PRELID2: variants seen among roughly 807,000 people sequenced by gnomAD.
PRELID2 encodes PRELI domain-containing protein 2.
In PRELID2, 25 loss-of-function variants were observed where a neutral mutation model predicts 28.4. The observed-to-expected ratio is 0.88, with a 90% confidence interval of 0.64 to 1.23. PRELID2 has a LOEUF of 1.23. Ranked by LOEUF, PRELID2 falls within the 50% of genes most tolerant of loss-of-function variation. The pLI, the probability that PRELID2 is intolerant of heterozygous loss-of-function variation, is 0.00. For synonymous variants in PRELID2, 76 were observed against 71.6 expected (o/e 1.06, Z -0.31); for missense variants, 201 against 214.4 (o/e 0.94, Z 0.39).
intron 5 of PRELID2, among the ~76,000 whole-genome samples, chr5:145,781,649 C>CACT (rs1444031864): frequency 7.4e-6 from 1 of 135,300 alleles, no homozygotes; most frequent in African/African-American, 3.0e-5. Context: ...TATATATATA[C>CACT]TATATATACA....
the PRELID2 span, among the ~76,000 whole-genome samples, chr5:145,336,814 G>T: frequency 4.0e-5 from 6 of 151,822 alleles, no homozygotes; most frequent in African/African-American, 1.2e-4. Flanking sequence ...CCTTTGTAGG[G>T]ACATGGATGA....
intron 1 of PRELID2, among the ~76,000 whole-genome samples, chr5:145,614,381 T>C (rs1436067256): frequency 2.0e-5 from 3 of 152,232 alleles, no homozygotes; most frequent in Admixed American, 2.0e-4. Context: ...TTGATGGGGA[T>C]TGCACTGAAT....
intron 1 of PRELID2, among the ~76,000 whole-genome samples, chr5:145,832,254 C>T (rs1020634523): frequency 2.0e-5 from 3 of 152,122 alleles, no homozygotes; most frequent in Non-Finnish European, 2.9e-5. Context: ...GGCATGATCT[C>T]AGCTCACTGC....
the PRELID2 span, among the ~76,000 whole-genome samples, chr5:145,234,947 G>T: frequency 6.6e-6 from 1 of 151,982 alleles, no homozygotes; most frequent in African/African-American, 2.4e-5. Flanking sequence ...ATTGAGACTG[G>T]TCCTCTTCGT....
At chr5:145,258,505 C>A in the PRELID2 span, among the ~76,000 whole-genome samples, 1 of 152,132 alleles carries the variant, frequency 6.6e-6, no homozygotes, top group Admixed American at 6.6e-5. Flanking sequence ...CCTTAGCAAA[C>A]AACTTGGCTG....
the PRELID2 span, among the ~76,000 whole-genome samples, chr5:145,303,633 G>T: frequency 2.6e-5 from 4 of 152,124 alleles, no homozygotes; most frequent in African/African-American, 4.8e-5. Context: ...GCACTGTGTG[G>T]TCTGGTATGT....
the PRELID2 span, among the ~76,000 whole-genome samples, chr5:145,253,075 C>T: frequency 2.2e-4 from 33 of 152,202 alleles, no homozygotes; most frequent in Non-Finnish European, 4.6e-4. Flanking sequence ...TTGTGTTGCA[C>T]TAAATTTCTT....
chr5:145,391,102 G>A, the PRELID2 span, among the ~76,000 whole-genome samples: 150 of 152,310 alleles, frequency 9.8e-4, no homozygotes, highest in African/African-American at 2.2e-3. Context: ...TTGAGTGTCT[G>A]TGGCTTTTCT....
rs527679564 is a variant in PRELID2, at chr5:145,653,618, T to A, written n.70+111313A>T. Among the ~76,000 whole-genome samples the A allele has an allele frequency of 2.6e-5, 4 of 152,230 alleles. No homozygotes were observed. In the East Asian group the frequency reaches 7.7e-4, roughly 29 times the overall value. ...ACTCACTCAAAACCACTCAACTACGTGAAAACTGAACAATCTGCTCCTGAA... is the reference window on the plus strand; with the variant it reads ...ACTCACTCAAAACCACTCAACTACGAGAAAACTGAACAATCTGCTCCTGAA... On this transcript the variant is annotated intron_variant and non_coding_transcript_variant, in intron 1 of 2. Transcript: ENST00000510259.
intron 1 of PRELID2, among the ~76,000 whole-genome samples, chr5:145,681,012 C>T (rs1754924176): frequency 6.6e-6 from 1 of 152,236 alleles, no homozygotes; most frequent in Admixed American, 6.5e-5. Flanking sequence ...GGCAATTTGA[C>T]AGCAGAGGAT....
At chr5:145,575,358 A>G (rs1051031466) in intron 1 of PRELID2, among the ~76,000 whole-genome samples, 5 of 152,184 alleles carry the variant, frequency 3.3e-5, no homozygotes, top group Admixed American at 3.3e-4. Flanking sequence ...TTTATCTAAA[A>G]TTGATTGAAT....
At chr5:145,726,235 A>AGGAGGGAGGGAGGGAGGGAGG (rs1554086557) in intron 1 of PRELID2, among the ~76,000 whole-genome samples, 6 of 91,098 alleles carry the variant, frequency 6.6e-5, no homozygotes, top group African/African-American at 2.5e-4. Flanking sequence ...GAAGGAAGGA[A>AGGAGGGAGGGAGGGAGGGAGG]GGAGGGAGGG....
At chr5:145,411,241 A>AAGAG in the PRELID2 span, among the ~76,000 whole-genome samples, 1 of 152,154 alleles carries the variant, frequency 6.6e-6, no homozygotes, top group Non-Finnish European at 1.5e-5. Context: ...ACAGCAGGCA[A>AAGAG]AGAGAGAGCT....
At chr5:145,373,045 TATTACAACATATATAATATATGATA>T in the PRELID2 span, among the ~76,000 whole-genome samples, 4 of 96,062 alleles carry the variant, frequency 4.2e-5, no homozygotes, top group African/African-American at 1.6e-4. Context: ...ATATGATATA[TATTACAACATATATAATATATGATA>T]TATATTACAA....
intron 1 of PRELID2, among the ~76,000 whole-genome samples, chr5:145,628,190 C>CAT (rs61687953): frequency 2.0e-5 from 3 of 151,862 alleles, no homozygotes; most frequent in Non-Finnish European, 4.4e-5. Flanking sequence ...GTTAAGCATA[C>CAT]ATATATATAT....
intron 1 of PRELID2, among the ~76,000 whole-genome samples, chr5:145,632,075 A>T (rs958858913): frequency 6.6e-6 from 1 of 152,168 alleles, no homozygotes; most frequent in South Asian, 2.1e-4. Flanking sequence ...CTTAAGGCCT[A>T]CCTAAGCAGG....
At chr5:145,579,869 G>C (rs1187112461) in intron 1 of PRELID2, among the ~76,000 whole-genome samples, 1 of 151,962 alleles carries the variant, frequency 6.6e-6, no homozygotes, top group African/African-American at 2.4e-5. Context: ...GGCTCCCCCA[G>C]TGTTTAAGGG....
chr5:145,403,451 C>A, the PRELID2 span, among the ~76,000 whole-genome samples: 1 of 152,114 alleles, frequency 6.6e-6, no homozygotes, highest in Non-Finnish European at 1.5e-5. Flanking sequence ...CTGCTTCCCC[C>A]ATGCACAGTA....
chr5:145,757,352 A>T lies in PRELID2; in HGVS notation c.*3184T>A, dbSNP rs1043517498. Among the ~76,000 whole-genome samples, 1 of 152,204 alleles carries T rather than the reference A, an allele frequency of 6.6e-6. No individual in the cohort carries two copies. Among genetic ancestry groups the T allele is most frequent in the Non-Finnish European group, 1.5e-5 (1 of 68,044 alleles). ...CATAAGAACTTTATACTGTGTCCTGAATGATCAACTGAAATTCCACGAATC... is the reference window on the plus strand; with the variant it reads ...CATAAGAACTTTATACTGTGTCCTGTATGATCAACTGAAATTCCACGAATC... On this transcript the variant is annotated 3_prime_UTR_variant, in exon 7 of 7. Transcript: ENST00000683046.
Sources: allele counts gnomAD v4.1 joint callset (sites outside exome capture counted in the v4.1 genomes callset), GRCh38; gene constraint gnomAD v4.1.1; transcripts MANE v1.5; gene names NCBI Gene and HGNC (gene_info 2026-07-23, HGNC 2026-07-21).